NUP35: variants seen among roughly 807,000 people sequenced by gnomAD.
The protein encoded by NUP35 is nucleoporin 35, also known as nucleoporin NUP35.
Under a neutral mutation model 41.5 loss-of-function variants are expected in NUP35, and 25 were observed. That is an observed-to-expected ratio of 0.60 (90% CI 0.44 to 0.84). NUP35 has a LOEUF of 0.84. NUP35 is among the 40% of genes least tolerant of loss of function. NUP35 has a pLI of 0.00. For synonymous variants in NUP35, 149 were observed against 130.7 expected, an observed-to-expected ratio of 1.14 and a Z score of -0.96; for missense variants, 396 against 396.6, an observed-to-expected ratio of 1.00 and a Z score of 0.01.
At chr2:183,152,338 ATGAG>A (rs1222353844) in intron 5 of NUP35, among the ~76,000 whole-genome samples, 1 of 152,120 alleles carries the variant, frequency 6.6e-6, no homozygotes, top group Non-Finnish European at 1.5e-5. Flanking sequence ...ATTTGGTTAC[ATGAG>A]TAAGTTCTTT....
At chr2:183,137,407 CCTGT>C (rs1016011648) in intron 4 of NUP35, among the ~76,000 whole-genome samples, 10 of 152,012 alleles carry the variant, frequency 6.6e-5, no homozygotes, top group African/African-American at 2.2e-4. Context: ...TAGTGAGATG[CCTGT>C]CTGTACAAAA....
At position 183,151,622 on chromosome 2, in the gene NUP35, T is replaced by G; in HGVS notation, c.512T>G (p.Leu171Arg). 3 of 1,614,022 alleles carry G rather than the reference T, an allele frequency of 1.9e-6. No homozygotes were observed. Among genetic ancestry groups the G allele is most frequent in the Non-Finnish European group, 2.5e-6 (3 of 1,179,904 alleles). ...GATTCTTTGACTTCAGAAGATCACC[T>G]CGATGACTCTTGGGTGACTGTATTT... ...QGDSLTSEDH[L>R]DDSWVTVFGF... Residue 171 changes from leucine to arginine, a missense_variant, in exon 5 of 9, where the codon CTC becomes CGC. Coordinates refer to ENST00000295119, the MANE Select transcript of NUP35 (RefSeq NM_138285.5).
chr2:183,129,956 T>C (rs1039003977), intron 2 of NUP35, among the ~76,000 whole-genome samples: 1 of 152,260 alleles, frequency 6.6e-6, no homozygotes, highest in Admixed American at 6.5e-5. Context: ...GAATGGGATC[T>C]ACTTAATCTA....
intron 4 of NUP35, among the ~76,000 whole-genome samples, chr2:183,138,361 A>T (rs1684968775): frequency 6.8e-6 from 1 of 146,742 alleles, no homozygotes; most frequent in Non-Finnish European, 1.5e-5. Flanking sequence ...GGCAAGTTTT[A>T]TAAAGAGATG....
At chr2:183,130,272 A>G in intron 2 of NUP35, 146 bp from the exon 3 acceptor site, 2 of 778,356 alleles carry the variant, frequency 2.6e-6, no homozygotes, top group South Asian at 2.3e-5. Flanking sequence ...GAATTTTAAC[A>G]AGGTCCCCAG....
At chr2:183,149,264 A>G (rs927810631) in intron 4 of NUP35, among the ~76,000 whole-genome samples, 16 of 152,328 alleles carry the variant, frequency 1.1e-4, no homozygotes, top group African/African-American at 3.8e-4. Context: ...TTTTGTTTAT[A>G]TAGATTATAG....
intron 1 of NUP35, among the ~76,000 whole-genome samples, chr2:183,126,125 C>T (rs1684469691): frequency 6.6e-6 from 1 of 152,162 alleles, no homozygotes; most frequent in Non-Finnish European, 1.5e-5. Context: ...CAACCTCCCC[C>T]TCCGGGCTCA....
At chr2:183,150,861 T>G (rs371656217) in intron 4 of NUP35, among the ~76,000 whole-genome samples, 42 of 152,340 alleles carry the variant, frequency 2.8e-4, no homozygotes, top group African/African-American at 9.9e-4. Context: ...TTCTCTCAAA[T>G]GTATAGCCTT....
intron 2 of NUP35, among the ~76,000 whole-genome samples, chr2:183,129,202 G>A (rs1000699633): frequency 1.4e-5 from 2 of 145,124 alleles, no homozygotes; most frequent in Non-Finnish European, 1.5e-5. Context: ...CACATATAGC[G>A]TGTTTAAGGA....
chr2:183,121,433 T>C (rs1431743106), upstream of NUP35, among the ~76,000 whole-genome samples: 1 of 152,176 alleles, frequency 6.6e-6, no homozygotes, highest in Non-Finnish European at 1.5e-5. Context: ...TCTGGGCTTC[T>C]TTATAGCTTG....
At chr2:183,157,701 G>A (rs1372602256) in intron 6 of NUP35, among the ~76,000 whole-genome samples, 188 bp downstream of exon 6, 2 of 152,106 alleles carry the variant, frequency 1.3e-5, no homozygotes, top group South Asian at 2.1e-4. Flanking sequence ...GAGATATAGT[G>A]AGAAGATATG....
chr2:183,146,977 T>C (rs375678405), intron 4 of NUP35, among the ~76,000 whole-genome samples: 54 of 152,298 alleles, frequency 3.5e-4, no homozygotes, highest in African/African-American at 1.3e-3. Flanking sequence ...AGTCTCTCTG[T>C]TGATTAGTGA....
At chr2:183,120,364 T>C (rs1700049566), upstream of NUP35, among the ~76,000 whole-genome samples, 1 of 150,424 alleles carries the variant, frequency 6.6e-6, no homozygotes, top group Non-Finnish European at 1.5e-5. Context: ...GAGAATTTCT[T>C]GAACACGGGA....
At chr2:183,135,010 T>C (rs1452464442) in intron 4 of NUP35, among the ~76,000 whole-genome samples, 1 of 152,162 alleles carries the variant, frequency 6.6e-6, no homozygotes, top group Non-Finnish European at 1.5e-5. Flanking sequence ...ATCTTCACAG[T>C]CAGCAACTTT....
chr2:183,137,197 G>A (rs766117697), intron 4 of NUP35, among the ~76,000 whole-genome samples: 8 of 152,216 alleles, frequency 5.3e-5, no homozygotes, highest in Non-Finnish European at 1.0e-4. Context: ...AACTGAGGTT[G>A]AATGTCTAGG....
intron 4 of NUP35, among the ~76,000 whole-genome samples, chr2:183,138,433 G>A (rs1388780552): frequency 2.0e-5 from 3 of 151,774 alleles, no homozygotes; most frequent in Non-Finnish European, 4.4e-5. Context: ...ATCCAATAAA[G>A]AGGTTGGTGG....
rs748625426 is a variant in NUP35, at chr2:183,161,043, T to TG, written c.904-11_904-10insG. The TG allele has an allele frequency of 2.0e-5, 32 of 1,607,668 alleles. No individual in the cohort carries two copies. In the East Asian group the frequency reaches 5.4e-4, roughly 27 times the overall value. ...AACCTAACCGTTTTTTTTGTGTGTG[T>TG]TTTTTAATAGGTTATTTCTGACAGA... On this transcript the variant is annotated splice_polypyrimidine_tract_variant and intron_variant, in intron 8 of 8. Coordinates refer to ENST00000295119, the MANE Select transcript of NUP35 (RefSeq NM_138285.5).
intron 5 of NUP35, among the ~76,000 whole-genome samples, chr2:183,151,991 A>T (rs1484271471): frequency 6.6e-6 from 1 of 152,040 alleles, no homozygotes; most frequent in Non-Finnish European, 1.5e-5. Context: ...AAGCATATTT[A>T]CTAGATGGAA....
chr2:183,123,380 T>C (rs1380011782), upstream of NUP35, among the ~76,000 whole-genome samples: 4 of 152,336 alleles, frequency 2.6e-5, no homozygotes, highest in African/African-American at 9.6e-5. Flanking sequence ...GACTTGAACA[T>C]AAATTTTTGA....
Sources: allele counts gnomAD v4.1 joint callset (sites outside exome capture counted in the v4.1 genomes callset), GRCh38; gene constraint gnomAD v4.1.1; transcripts MANE v1.5; gene names NCBI Gene and HGNC (gene_info 2026-07-23, HGNC 2026-07-21).